Variants in KDM5A observed in about 807,000 individuals in gnomAD.
KDM5A encodes lysine demethylase 5A.
In KDM5A, 42 loss-of-function variants were observed where a neutral mutation model predicts 193.5. That is an observed-to-expected ratio of 0.22 (90% confidence interval 0.17 to 0.28). The LOEUF (loss-of-function observed/expected upper bound fraction) is 0.28. KDM5A is among the 10% of genes least tolerant of loss of function. KDM5A has a pLI of 1.00. For synonymous variants in KDM5A, 796 were observed against 718.1 expected (o/e 1.11, Z -1.73); for missense variants, 1,692 against 2,055.1 (o/e 0.82, Z 3.42).
At chr12:382,356 G>A (rs559444320) in intron 3 of KDM5A, among the ~76,000 whole-genome samples, 4 of 152,002 alleles carry the variant, frequency 2.6e-5, no homozygotes, top group Middle Eastern at 3.4e-3. Context: ...ACTTGAACCC[G>A]GGAGGCTGAG....
intron 10 of KDM5A, among the ~76,000 whole-genome samples, chr12:346,268 A>G (rs1340876724): frequency 1.3e-5 from 2 of 151,372 alleles, no homozygotes; most frequent in African/African-American, 2.4e-5. Context: ...AATTGAGGCA[A>G]TAATAGCCTA....
intron 14 of KDM5A, among the ~76,000 whole-genome samples, chr12:325,737 G>A (rs1278506553): frequency 6.6e-6 from 1 of 152,098 alleles, no homozygotes; most frequent in Non-Finnish European, 1.5e-5. Context: ...AACGAGGCCA[G>A]GTGTGGTGGC....
intron 2 of KDM5A, 36 bp downstream of exon 2, chr12:385,861 T>C: frequency 1.3e-6 from 2 of 1,527,084 alleles, no homozygotes; most frequent in Non-Finnish European, 1.8e-6. Flanking sequence ...ATATAAAGAA[T>C]GAATCAGGAA....
chr12:291,574 G>A (rs1330726488), intron 27 of KDM5A, among the ~76,000 whole-genome samples: 2 of 152,098 alleles, frequency 1.3e-5, no homozygotes, highest in Admixed American at 1.3e-4. Context: ...GCTCTAAAAA[G>A]GTTTAAGTAT....
chr12:303,745 T>C (rs1354685615), intron 24 of KDM5A, among the ~76,000 whole-genome samples: 1 of 152,168 alleles, frequency 6.6e-6, no homozygotes, highest in Non-Finnish European at 1.5e-5. Flanking sequence ...GAAGATAAAT[T>C]TAGATGTGAC....
At chr12:354,911 T>G (rs1040614241) in intron 7 of KDM5A, among the ~76,000 whole-genome samples, 1 of 152,174 alleles carries the variant, frequency 6.6e-6, no homozygotes, top group Non-Finnish European at 1.5e-5. Flanking sequence ...CTCAACGACT[T>G]ACACAGATTC....
At position 293,080 on chromosome 12, in the gene KDM5A, T is replaced by G. The variant is rs1361516697; in HGVS notation, c.4545A>C (p.Gln1515His). 1.9e-6 allele frequency: 3 copies of G among 1,588,802 alleles called. No homozygotes were observed. The highest frequency in any genetic ancestry group is 3.8e-5 in the Admixed American group (2 of 52,354). The change falls in exon 27 of 28, where the codon CAA (glutamine) becomes CAC (histidine). Residue 1515 changes from glutamine to histidine, a missense_variant. Around this residue, in one of 11 missense-constraint regions of KDM5A, gnomAD observed 965 missense variants for 1,061.0 expected, o/e 0.91. Transcript: ENST00000399788. ...ACTTCTGTTTTCCTTCTCCAAAAAGTTGCTCTACCTTTTCTAGCTTCCGTT... is the reference window on the plus strand; with the variant it reads ...ACTTCTGTTTTCCTTCTCCAAAAAGGTGCTCTACCTTTTCTAGCTTCCGTT... ...KRKRKLEKVEQLFGEGKQKSK... is the reference protein window; with the variant it reads ...KRKRKLEKVEHLFGEGKQKSK...
rs531523347 is a variant in KDM5A, at chr12:280,883, T to C, written c.*4573A>G. ...GATAATAGGCTAATCACACCACTGA[T>C]CAAATTATTTTGGCTCAGTTCTTTA... is the stretch of plus-strand genomic sequence containing the variant. On this transcript the variant is annotated 3_prime_UTR_variant, in exon 28 of 28. Transcript: ENST00000399788. 2.6e-5 allele frequency: 6 copies of C among 233,044 alleles called. No homozygotes were observed. The South Asian group carries it at 9.0e-4, about 35-fold the overall frequency. The allele number at this position is 233,044 out of a possible 1,614,324, so 14.4% of individuals were successfully genotyped here.
At chr12:368,062 T>C (rs1159655636) in intron 3 of KDM5A, among the ~76,000 whole-genome samples, 1 of 152,110 alleles carries the variant, frequency 6.6e-6, no homozygotes, top group Non-Finnish European at 1.5e-5. Flanking sequence ...AAACGAAATG[T>C]AGTATAATAA....
In KDM5A at chr12:300,360, G is replaced by A. The variant is rs569591898; in HGVS notation, c.4075-3160C>T. 7.2e-5 allele frequency among the ~76,000 whole-genome samples: 11 copies of A among 152,252 alleles called. No individual in the cohort carries two copies. In the South Asian group the frequency reaches 2.3e-3, roughly 32 times the overall value. On this transcript the variant is annotated intron_variant, in intron 24 of 27. Coordinates refer to ENST00000399788, the MANE Select transcript of KDM5A (RefSeq NM_001042603.3). Reference sequence around the variant, plus strand: ...CTCAGACCACAGTGCAATCATATTAGAACTCAGGATTAAGAAACTCACTCA... The same window carrying A: ...CTCAGACCACAGTGCAATCATATTAAAACTCAGGATTAAGAAACTCACTCA...
intron 3 of KDM5A, among the ~76,000 whole-genome samples, chr12:376,568 G>A (rs1401289365): frequency 1.3e-5 from 2 of 152,206 alleles, no homozygotes; most frequent in Non-Finnish European, 2.9e-5. Context: ...CACACGCTCG[G>A]TGGGCTGCAG....
intron 3 of KDM5A, among the ~76,000 whole-genome samples, chr12:375,885 T>C (rs774230680): frequency 2.6e-5 from 4 of 152,324 alleles, no homozygotes; most frequent in South Asian, 4.1e-4. Context: ...GCGGAGGCTG[T>C]AGAACAGCGA....
chr12:304,502 G>A (rs1455618030), intron 24 of KDM5A, among the ~76,000 whole-genome samples: 2 of 149,252 alleles, frequency 1.3e-5, no homozygotes, highest in Admixed American at 1.3e-4. Context: ...AAATTGGCAG[G>A]GGTATATAGC....
At chr12:291,557 C>A (rs1272211017) in intron 27 of KDM5A, among the ~76,000 whole-genome samples, 2 of 152,116 alleles carry the variant, frequency 1.3e-5, no homozygotes, top group South Asian at 4.2e-4. Context: ...CCTGTTGGTG[C>A]CTTCAAGCTC....
rs1016655223 is a variant in KDM5A, at chr12:322,698, C to T, written c.2276-131G>A. 8 of 780,124 alleles carry T rather than the reference C, an allele frequency of 1.0e-5. No individual in the cohort carries two copies. The African/African-American group carries it at 1.0e-4, about 10-fold the overall frequency. The allele number at this position is 780,124 out of a possible 1,614,324, so 48.3% of individuals were successfully genotyped here. A position where few individuals can be genotyped will look rare whatever the true frequency, so the allele number is the denominator to read the frequency against. The stretch of plus-strand genomic sequence containing the variant: ...AAATATAATAATTAGTAGAAACAAA[C>T]AGCTGTGAAAATCTCACCAACACAA... On this transcript the variant is annotated intron_variant, in intron 16 of 27. Coordinates refer to ENST00000399788, the MANE Select transcript of KDM5A (RefSeq NM_001042603.3).
At chr12:359,434 G>C (rs1297335278) in intron 5 of KDM5A, among the ~76,000 whole-genome samples, 1 of 152,096 alleles carries the variant, frequency 6.6e-6, no homozygotes, top group Admixed American at 6.6e-5. Flanking sequence ...AGAAATCAAG[G>C]AGTTTGATTC....
intron 3 of KDM5A, among the ~76,000 whole-genome samples, chr12:369,776 C>T (rs1051297217): frequency 2.0e-5 from 3 of 152,100 alleles, no homozygotes; most frequent in African/African-American, 7.2e-5. Context: ...AGGGAGGCAA[C>T]AGAAGCCCTC....
chr12:335,229 C>T (rs1183558621), intron 10 of KDM5A, among the ~76,000 whole-genome samples: 1 of 152,228 alleles, frequency 6.6e-6, no homozygotes, highest in Admixed American at 6.5e-5. Flanking sequence ...TTCACAGGGG[C>T]TTCTACTTGG....
Position 333,579 on chromosome 12 carries a change from G to T in KDM5A, c.1561C>A (p.Leu521Met). ...AEQLEEVMRE[L>M]APELFESQPD... ...TGGGATTCAAATAACTCGGGGGCCA[G>T]CTCTCTCATCACCTCCTCCAGTTGC... The change falls in exon 12 of 28, where the codon CTG becomes ATG. Residue 521 changes from leucine to methionine, a missense_variant. Leu to Met is a conservative substitution (Grantham distance 15). Around this residue, in one of 11 missense-constraint regions of KDM5A, gnomAD observed 172 missense variants for 260.3 expected, o/e 0.66. Transcript: ENST00000399788. 1 of 1,614,080 alleles carries T rather than the reference G, an allele frequency of 6.2e-7. No homozygotes were observed. Among genetic ancestry groups the T allele is most frequent in the Non-Finnish European group, 8.5e-7 (1 of 1,179,958 alleles).
Sources: allele counts gnomAD v4.1 joint callset (sites outside exome capture counted in the v4.1 genomes callset), GRCh38; gene constraint gnomAD v4.1.1; regional missense constraint gnomAD v4.1.1; transcripts MANE v1.5; gene names NCBI Gene and HGNC (gene_info 2026-07-23, HGNC 2026-07-21).